The following DENND5A variants were observed in gnomAD, a reference collection of about 807,000 sequenced individuals.
The protein encoded by DENND5A is DENN domain containing 5A.
Under a neutral mutation model 140.3 loss-of-function variants are expected in DENND5A, and 64 were observed. That is an observed-to-expected ratio of 0.46 (90% confidence interval 0.37 to 0.56). The LOEUF (loss-of-function observed/expected upper bound fraction) is 0.56. Ranked by LOEUF, DENND5A falls within the 20% of genes least tolerant of loss-of-function variation. The pLI is 0.00. For missense variants in DENND5A, 1,292 were observed against 1,593.8 expected (o/e 0.81, Z 3.22); for synonymous variants, 605 against 607.7 (o/e 1.00, Z 0.07).
chr11:9,262,426 T>C (rs1437773563), intron 1 of DENND5A, among the ~76,000 whole-genome samples: 1 of 152,200 alleles, frequency 6.6e-6, no homozygotes, highest in Non-Finnish European at 1.5e-5. Flanking sequence ...AGAAGAATTA[T>C]GTTGTTTTTA....
rs187525978 is a variant in DENND5A at position 9,262,932 on chromosome 11, G to A, written c.109+2029C>T. 3.1e-3 allele frequency among the ~76,000 whole-genome samples: 474 copies of A among 151,840 alleles called. 2 individuals are homozygous for A. Among genetic ancestry groups the A allele is most frequent in the African/African-American group, 0.011 (455 of 41,380 alleles). Reference sequence around the variant, plus strand: ...AATTTTTTGTATTTTTAGTAGAGACGGGGTTTCACCCTGTAAGCCCGGATG... The same window carrying A: ...AATTTTTTGTATTTTTAGTAGAGACAGGGTTTCACCCTGTAAGCCCGGATG... On this transcript the variant is annotated intron_variant, in intron 1 of 22. Transcript: ENST00000328194.
At chr11:9,243,692 C>T (rs1449907222) in intron 1 of DENND5A, among the ~76,000 whole-genome samples, 1 of 152,136 alleles carries the variant, frequency 6.6e-6, no homozygotes, top group African/African-American at 2.4e-5. Context: ...TTGACACCAG[C>T]CTGGCCAATA....
chr11:9,161,497 T>A (rs1847983560), intron 11 of DENND5A, among the ~76,000 whole-genome samples: 1 of 152,276 alleles, frequency 6.6e-6, no homozygotes, highest in South Asian at 2.1e-4. Flanking sequence ...TGACATTGTC[T>A]GATTCCCACT....
At chr11:9,180,484 A>G (rs1848691457) in intron 6 of DENND5A, among the ~76,000 whole-genome samples, 1 of 152,296 alleles carries the variant, frequency 6.6e-6, no homozygotes, top group East Asian at 1.9e-4. Context: ...CACTAAGATT[A>G]CTATCATGGT....
At chr11:9,216,888 A>G (rs1327710580) in intron 1 of DENND5A, among the ~76,000 whole-genome samples, 2 of 152,030 alleles carry the variant, frequency 1.3e-5, no homozygotes, top group African/African-American at 4.8e-5. Context: ...TAATAATAAT[A>G]AGCCAGGCAT....
At position 9,203,670 on chromosome 11, in the gene DENND5A, G is replaced by A. The variant is rs369277847; in HGVS notation, c.939C>T (p.Leu313=). ...TCALLEFQIL[L]YSQHYQRLMT... The stretch of plus-strand genomic sequence containing the variant: ...TAAGCACTGACTTACGCTGTGAGTA[G>A]AGCAGGATTTGAAACTCCAGAAGGG... Residue 313 remains leucine (L), a synonymous_variant, in exon 4 of 23, where the codon CTC becomes CTT. Coordinates refer to ENST00000328194, the MANE Select transcript of DENND5A (RefSeq NM_015213.4). 4 of 1,612,910 alleles carry A rather than the reference G, an allele frequency of 2.5e-6. No homozygotes were observed. The highest frequency in any genetic ancestry group is 2.2e-5 in the East Asian group (1 of 44,892).
At position 9,204,112 on chromosome 11, in the gene DENND5A, G is replaced by C. The variant is rs1849614875; in HGVS notation, c.497C>G (p.Ala166Gly). ...CTGGTCTCTGTCATCAGCAGGGGGA[G>C]CATGTAGGACATCATACTCAGCATT... ...MHNAEYDVLH[A>G]PPADDRDQSS... Residue 166 changes from alanine to glycine, a missense_variant, in exon 4 of 23, where the codon GCT (alanine) becomes GGT (glycine). Transcript: ENST00000328194. 6.2e-7 allele frequency: 1 copy of C among 1,614,180 alleles called. No individual in the cohort carries two copies. The highest frequency in any genetic ancestry group is 1.3e-5 in the African/African-American group (1 of 75,048).
intron 12 of DENND5A, among the ~76,000 whole-genome samples, chr11:9,157,952 G>A (rs1474893419): frequency 6.6e-6 from 1 of 152,136 alleles, no homozygotes; most frequent in Non-Finnish European, 1.5e-5. Flanking sequence ...CTGACTCACA[G>A]TTCATAGTGT....
chr11:9,147,716 G>C (rs1478603929), intron 15 of DENND5A, among the ~76,000 whole-genome samples: 1 of 152,262 alleles, frequency 6.6e-6, no homozygotes, highest in East Asian at 1.9e-4. Context: ...GAGCCATGCA[G>C]ATCATATCCT....
At chr11:9,178,603 T>A (rs1050509118) in intron 7 of DENND5A, among the ~76,000 whole-genome samples, 32 of 152,016 alleles carry the variant, frequency 2.1e-4, no homozygotes, top group African/African-American at 7.7e-4. Flanking sequence ...CTTCCCAGAA[T>A]CCTGATGTTC....
chr11:9,198,310 A>T (rs990667844), intron 4 of DENND5A, among the ~76,000 whole-genome samples: 6 of 139,142 alleles, frequency 4.3e-5, no homozygotes, highest in Non-Finnish European at 7.9e-5. Context: ...ACTCCACTTT[A>T]AAAAAAAAAA....
At position 9,147,293 on chromosome 11, in the gene DENND5A, AAGCT is replaced by A. The variant is rs929770716; in HGVS notation, c.2736-146_2736-143del. On this transcript the variant is annotated intron_variant, in intron 15 of 22. Transcript: ENST00000328194. ...CTTAGGTTCACCCTATAAAGGAACA[AAGCT>A]AGCTACTCTAACTAAGGGACAGAGG... 35 of 821,724 alleles carry A rather than the reference AAGCT, an allele frequency of 4.3e-5. 1 individual carries two copies. The South Asian group carries it at 5.7e-4, about 13-fold the overall frequency. The allele number at this position is 821,724 out of a possible 1,614,324, so 50.9% of individuals were successfully genotyped here. A position where few individuals can be genotyped will look rare whatever the true frequency, so the allele number is the denominator to read the frequency against.
At chr11:9,261,220 C>A (rs571117499) in intron 1 of DENND5A, among the ~76,000 whole-genome samples, 1 of 152,188 alleles carries the variant, frequency 6.6e-6, no homozygotes, top group South Asian at 2.1e-4. Context: ...GAAGGAACAC[C>A]GAGCATCTTT....
chr11:9,173,282 G>C (rs557768951), intron 8 of DENND5A, among the ~76,000 whole-genome samples: 2 of 152,168 alleles, frequency 1.3e-5, no homozygotes, highest in Non-Finnish European at 2.9e-5. Context: ...CTGGCAGTAG[G>C]AAAATAATGC....
chr11:9,256,357 G>A (rs1245617920), intron 1 of DENND5A, among the ~76,000 whole-genome samples: 1 of 152,070 alleles, frequency 6.6e-6, no homozygotes, highest in Non-Finnish European at 1.5e-5. Flanking sequence ...CTACTCAGGA[G>A]GCTGAGGCAG....
At chr11:9,218,488 G>T (rs901944298) in intron 1 of DENND5A, among the ~76,000 whole-genome samples, 84 of 152,114 alleles carry the variant, frequency 5.5e-4, no homozygotes, top group Non-Finnish European at 1.6e-4. Context: ...CTCTTTGGGA[G>T]GCCGAGGGGA....
chr11:9,207,816 T>C (rs749565982), intron 1 of DENND5A, among the ~76,000 whole-genome samples, 184 bp from the exon 2 acceptor site: 3 of 152,156 alleles, frequency 2.0e-5, no homozygotes, highest in Non-Finnish European at 4.4e-5. Context: ...ACTATATATA[T>C]AATGTCCTCT....
chr11:9,151,420 C>T (rs1475008438), intron 13 of DENND5A, among the ~76,000 whole-genome samples: 1 of 152,180 alleles, frequency 6.6e-6, no homozygotes, highest in Non-Finnish European at 1.5e-5. Flanking sequence ...CCTGCTTTTA[C>T]ACATCCAGAA....
At chr11:9,262,398 C>A (rs757818847) in intron 1 of DENND5A, among the ~76,000 whole-genome samples, 1 of 152,166 alleles carries the variant, frequency 6.6e-6, no homozygotes, top group Non-Finnish European at 1.5e-5. Context: ...TATTCCACCA[C>A]CTTAGTTTCT....
Sources: gnomAD v4.1 joint callset for allele counts (sites outside exome capture counted in the v4.1 genomes callset) on GRCh38, gnomAD v4.1.1 for gene constraint, MANE v1.5 for transcripts, NCBI Gene and HGNC (gene_info 2026-07-23, HGNC 2026-07-21) for gene names.